The following METTL8 variants were observed in gnomAD, a reference collection of about 807,000 sequenced individuals.
METTL8 encodes tRNA N(3)-cytidine methyltransferase METTL8, mitochondrial.
In METTL8, 32 loss-of-function variants were observed where a neutral mutation model predicts 48.7. The observed-to-expected ratio is 0.66, with a 90% CI of 0.50 to 0.88. The LOEUF (loss-of-function observed/expected upper bound fraction) is 0.88. Ranked by LOEUF, METTL8 falls within the 40% of genes least tolerant of loss-of-function variation. The pLI is 0.00. For synonymous variants in METTL8, 136 were observed against 157.1 expected (o/e 0.87, Z 1.01); for missense variants, 464 against 474.4 (o/e 0.98, Z 0.20).
At chr2:171,408,296 G>GT (rs373375150) in intron 1 of METTL8, among the ~76,000 whole-genome samples, 1,420 of 127,170 alleles carry the variant, frequency 0.011, 9 homozygotes, top group East Asian at 0.023. Flanking sequence ...CAGTTTTTTT[G>GT]TTTTTTTTTT....
At chr2:171,349,917 T>A (rs1186930236) in intron 3 of METTL8, among the ~76,000 whole-genome samples, 2 of 152,156 alleles carry the variant, frequency 1.3e-5, no homozygotes, top group Non-Finnish European at 2.9e-5. Context: ...TTTAATACCT[T>A]CTAATCAGTG....
Position 171,326,112 on chromosome 2 carries a change from C to T in METTL8, c.897G>A (p.Leu299=). The T allele has an allele frequency of 1.3e-6, 2 of 1,549,208 alleles. No homozygotes were observed. Among genetic ancestry groups the T allele is most frequent in the South Asian group, 2.4e-5 (2 of 83,874 alleles). ...GAAATAACAGCATTCCCCCAGGTTTCAGTAACTTGGACAGTCGGTTTACAA... is the reference window on the plus strand; with the variant it reads ...GAAATAACAGCATTCCCCCAGGTTTTAGTAACTTGGACAGTCGGTTTACAA... ...QGVVNRLSKL[L]KPGGMLLFRD... The change falls in exon 8 of 10, where the codon CTG becomes CTA. Residue 299 remains leucine (L), a synonymous_variant. Coordinates refer to ENST00000375258, the MANE Select transcript of METTL8 (RefSeq NM_001321154.2).
intron 2 of METTL8, 107 bp downstream of exon 2, chr2:171,391,936 A>T: frequency 8.9e-7 from 1 of 1,123,156 alleles, no homozygotes. Flanking sequence ...CTACAACATG[A>T]GTTAGGTCAT....
At position 171,339,661 on chromosome 2, in the gene METTL8, A is replaced by G; in HGVS notation, c.236-107T>C. The G allele has an allele frequency of 5.9e-6, 3 of 506,336 alleles. No individual in the cohort carries two copies. In the South Asian group the frequency reaches 1.8e-4, roughly 30 times the overall value. 31.4% of individuals were successfully genotyped at this position (506,336 alleles called of 1,614,324 possible). A position where few individuals can be genotyped will look rare whatever the true frequency, so the allele number is the denominator to read the frequency against. Reference sequence around the variant, plus strand: ...ATATACATTATCATTTATAACAATTATATTTACAAATGAATAACTTTAATA... The same window carrying G: ...ATATACATTATCATTTATAACAATTGTATTTACAAATGAATAACTTTAATA... On this transcript the variant is annotated intron_variant, in intron 3 of 9. Coordinates refer to ENST00000375258, the MANE Select transcript of METTL8 (RefSeq NM_001321154.2).
chr2:171,418,758 A>G (rs1691577808), intron 1 of METTL8, among the ~76,000 whole-genome samples: 1 of 152,092 alleles, frequency 6.6e-6, no homozygotes, highest in South Asian at 2.1e-4. Flanking sequence ...GTTCAAGACC[A>G]GTCTGGACAA....
chr2:171,333,915 TTATA>T (rs1685809360), intron 5 of METTL8, among the ~76,000 whole-genome samples: 2 of 152,320 alleles, frequency 1.3e-5, no homozygotes, highest in South Asian at 4.1e-4. Context: ...GAATGGATTC[TTATA>T]GCTAAAGTTT....
Position 171,356,806 on chromosome 2 carries a change from T to C in METTL8, c.235+3616A>G, listed in dbSNP as rs552969170. 4.7e-4 allele frequency among the ~76,000 whole-genome samples: 72 copies of C among 152,128 alleles called. 1 individual carries two copies. Among genetic ancestry groups the C allele is most frequent in the Admixed American group, 4.4e-3 (67 of 15,276 alleles). ...CACATTTTCTTTATCCATTCATCCA[T>C]CTGGAACAGGCAAGGATGCCCACTT... On this transcript the variant is annotated intron_variant, in intron 3 of 9. Coordinates refer to ENST00000375258, the MANE Select transcript of METTL8 (RefSeq NM_001321154.2).
intron 1 of METTL8, among the ~76,000 whole-genome samples, chr2:171,394,194 T>C (rs569206350): frequency 2.0e-4 from 31 of 152,328 alleles, no homozygotes; most frequent in African/African-American, 7.0e-4. Context: ...TAGAGCTCTT[T>C]CTGCAGTGAA....
chr2:171,354,375 T>G (rs1380410073), intron 3 of METTL8, among the ~76,000 whole-genome samples: 1 of 152,232 alleles, frequency 6.6e-6, no homozygotes, highest in Non-Finnish European at 1.5e-5. Flanking sequence ...GACCTTTCTC[T>G]CTGGCTGCCC....
intron 2 of METTL8, among the ~76,000 whole-genome samples, chr2:171,376,420 C>T (rs539129128): frequency 7.9e-5 from 12 of 152,070 alleles, no homozygotes; most frequent in East Asian, 1.9e-4. Context: ...CACTGTTCAC[C>T]GATGATATAA....
intron 1 of METTL8, among the ~76,000 whole-genome samples, chr2:171,414,881 G>A (rs1288632442): frequency 6.6e-6 from 1 of 152,088 alleles, no homozygotes; most frequent in Admixed American, 6.5e-5. Context: ...AATCATGGGG[G>A]CGGTTTCTCC....
chr2:171,420,342 A>G (rs2105652915), intron 1 of METTL8, among the ~76,000 whole-genome samples: 1 of 152,326 alleles, frequency 6.6e-6, no homozygotes, highest in South Asian at 2.1e-4. Context: ...TTCAGTAGAG[A>G]GTGGCATGGT....
Position 171,318,036 on chromosome 2 carries a change from T to C in METTL8, c.*6136A>G, listed in dbSNP as rs1313660803. ...ACTGCATGTTGCTGATTCATACTCA[T>C]AGGAAAAAGTAATTTTATCTTCAAC... On this transcript the variant is annotated 3_prime_UTR_variant, in exon 10 of 10. Transcript: ENST00000375258. 2.0e-5 allele frequency: 3 copies of C among 152,214 alleles called. No homozygotes were observed. The highest frequency in any genetic ancestry group is 4.8e-5 in the African/African-American group (2 of 41,460). 9.4% of individuals were successfully genotyped at this position (152,214 alleles called of 1,614,324 possible).
At chr2:171,348,897 TAA>T (rs1341820086) in intron 3 of METTL8, among the ~76,000 whole-genome samples, 8 of 152,114 alleles carry the variant, frequency 5.3e-5, no homozygotes, top group African/African-American at 1.9e-4. Flanking sequence ...AGAGAGAATA[TAA>T]GAGTTGGGTA....
At chr2:171,400,628 C>T (rs563364133) in intron 1 of METTL8, among the ~76,000 whole-genome samples, 3 of 152,264 alleles carry the variant, frequency 2.0e-5, no homozygotes, top group African/African-American at 7.2e-5. Flanking sequence ...GTACTCAAAC[C>T]TCAAGGTGCA....
Position 171,417,318 on chromosome 2 carries a change from C to T in METTL8, c.-13+16565G>A, listed in dbSNP as rs141143851. On this transcript the variant is annotated intron_variant, in intron 1 of 9. Coordinates refer to ENST00000375258, the MANE Select transcript of METTL8 (RefSeq NM_001321154.2). ...TTATGGATACTGTTCTGTTGGAGTG[C>T]CAAGCTAAAAATCAGTATGCTGAAG... 8.6e-3 allele frequency among the ~76,000 whole-genome samples: 1,303 copies of T among 152,178 alleles called. 20 individuals carry two copies. The highest frequency in any genetic ancestry group is 0.03 in the African/African-American group (1,237 of 41,496).
At chr2:171,359,890 C>T (rs1684986913) in intron 3 of METTL8, among the ~76,000 whole-genome samples, 1 of 152,114 alleles carries the variant, frequency 6.6e-6, no homozygotes, top group Admixed American at 6.5e-5. Context: ...CGCGCCGGCT[C>T]CTGAGTTTTT....
At chr2:171,395,947 G>A (rs940561162) in intron 1 of METTL8, among the ~76,000 whole-genome samples, 1 of 152,086 alleles carries the variant, frequency 6.6e-6, no homozygotes, top group African/African-American at 2.4e-5. Context: ...TAGACCATAC[G>A]CTGGGCTATA....
intron 5 of METTL8, 61 bp from the exon 6 acceptor site, chr2:171,331,928 C>T: frequency 7.8e-7 from 1 of 1,273,926 alleles, no homozygotes; most frequent in Non-Finnish European, 1.1e-6. Flanking sequence ...CGCTGTTGCC[C>T]AGGTTGGAGT....
Sources: allele counts gnomAD v4.1 joint callset (sites outside exome capture counted in the v4.1 genomes callset), GRCh38; gene constraint gnomAD v4.1.1; transcripts MANE v1.5; gene names NCBI Gene and HGNC (gene_info 2026-07-23, HGNC 2026-07-21).